Variants in PARD3 observed in about 807,000 individuals in gnomAD.
PARD3 encodes the protein par-3 family cell polarity regulator, also known as partitioning defective 3 homolog.
In PARD3, 75 loss-of-function variants were observed where a neutral mutation model predicts 155.4. The observed-to-expected ratio is 0.48, with a 90% CI of 0.40 to 0.58. The LOEUF is 0.58. PARD3 is among the 20% of genes least tolerant of loss of function. The pLI, the probability that PARD3 is intolerant of heterozygous loss-of-function variation, is 0.00. For missense variants in PARD3, 1,642 were observed against 1,721.7 expected (o/e 0.95, Z 0.82); for synonymous variants, 576 against 610.5 (o/e 0.94, Z 0.83).
intron 22 of PARD3, among the ~76,000 whole-genome samples, chr10:34,245,818 T>G (rs1417537134): frequency 6.6e-6 from 1 of 152,158 alleles, no homozygotes; most frequent in African/African-American, 2.4e-5. Context: ...CTGTCCCCGT[T>G]GAGTTCGTGA....
intron 2 of PARD3, among the ~76,000 whole-genome samples, chr10:34,682,378 A>C (rs1204760103): frequency 3.3e-5 from 5 of 150,088 alleles, no homozygotes; most frequent in African/African-American, 1.0e-4. Context: ...TGTATTGAGA[A>C]TCCTCAAATT....
intron 5 of PARD3, among the ~76,000 whole-genome samples, chr10:34,406,719 A>G (rs1844515731): frequency 6.6e-6 from 1 of 152,128 alleles, no homozygotes; most frequent in African/African-American, 2.4e-5. Context: ...GAATATTTGA[A>G]AAATAAAAGG....
At chr10:34,798,475 C>G (rs1178966490) in intron 1 of PARD3, among the ~76,000 whole-genome samples, 1 of 151,790 alleles carries the variant, frequency 6.6e-6, no homozygotes, top group African/African-American at 2.4e-5. Flanking sequence ...GAGGCTGAGG[C>G]AGGTGGATCA....
intron 2 of PARD3, among the ~76,000 whole-genome samples, chr10:34,589,094 A>C (rs2088389852): frequency 6.6e-6 from 1 of 152,152 alleles, no homozygotes; most frequent in Non-Finnish European, 1.5e-5. Context: ...AGAGACATAG[A>C]AGATATGTGG....
intron 7 of PARD3, among the ~76,000 whole-genome samples, chr10:34,390,458 T>C (rs1842776309): frequency 6.6e-6 from 1 of 152,190 alleles, no homozygotes; most frequent in Non-Finnish European, 1.5e-5. Flanking sequence ...TCATTCTTAT[T>C]AGCTGCCACT....
intron 2 of PARD3, among the ~76,000 whole-genome samples, chr10:34,533,818 A>C (rs2133821319): frequency 6.6e-6 from 1 of 150,574 alleles, no homozygotes; most frequent in Non-Finnish European, 1.5e-5. Flanking sequence ...AAAACAACAA[A>C]AAAAAACAGA....
chr10:34,792,960 A>G (rs1841847104), intron 1 of PARD3, among the ~76,000 whole-genome samples: 1 of 152,224 alleles, frequency 6.6e-6, no homozygotes, highest in South Asian at 2.1e-4. Context: ...CTTGAATTCA[A>G]CATAATCTAC....
At chr10:34,631,403 C>T (rs1298017092) in intron 2 of PARD3, among the ~76,000 whole-genome samples, 2 of 152,132 alleles carry the variant, frequency 1.3e-5, no homozygotes, top group Non-Finnish European at 2.9e-5. Context: ...GTCATCAGCC[C>T]TTACCCTTAG....
At chr10:34,675,959 T>G (rs1018103694) in intron 2 of PARD3, 1 of 157,410 alleles carries the variant, frequency 6.4e-6, no homozygotes, top group Non-Finnish European at 1.4e-5. Flanking sequence ...TGGGCCATCA[T>G]GGACGAGAGT....
chr10:34,771,042 C>T (rs939115210), intron 1 of PARD3, among the ~76,000 whole-genome samples: 4 of 151,990 alleles, frequency 2.6e-5, no homozygotes, highest in African/African-American at 7.3e-5. Context: ...AAGGGAAAGA[C>T]GGAGAGACAA....
chr10:34,814,881 C>T lies in PARD3; in HGVS notation c.115G>A (p.Ala39Thr), dbSNP rs1431952145. The change falls in exon 1 of 25, where the codon GCC becomes ACC. Residue 39 changes from alanine to threonine, a missense_variant. By Grantham distance (58) the Ala-to-Thr change is moderately conservative. Transcript: ENST00000374788. ...QAVTRYRKAIAKDPNYWIQVH... is the reference protein window; with the variant it reads ...QAVTRYRKAITKDPNYWIQVH... ...CCGCGCCCCCGGCCCCTCACCTTGG[C>T]GATGGCCTTCCGGTAGCGGGTCACC... 2.1e-6 allele frequency: 3 copies of T among 1,460,868 alleles called. No individual in the cohort carries two copies. The highest frequency in any genetic ancestry group is 2.4e-4 in the Middle Eastern group (1 of 4,234). 90.5% of individuals were successfully genotyped at this position (1,460,868 alleles called of 1,614,324 possible).
intron 14 of PARD3, among the ~76,000 whole-genome samples, chr10:34,352,034 A>G (rs1477076798): frequency 6.6e-6 from 1 of 152,192 alleles, no homozygotes; most frequent in Non-Finnish European, 1.5e-5. Context: ...AAATCCCCCA[A>G]TATGAGGTCT....
chr10:34,260,450 G>C (rs1222561396), intron 22 of PARD3, among the ~76,000 whole-genome samples: 1 of 152,202 alleles, frequency 6.6e-6, no homozygotes, highest in African/African-American at 2.4e-5. Flanking sequence ...AAGGAGGAAA[G>C]GTGATCTTCA....
intron 2 of PARD3, among the ~76,000 whole-genome samples, chr10:34,553,083 T>C (rs1207712950): frequency 6.6e-6 from 1 of 152,218 alleles, no homozygotes; most frequent in Non-Finnish European, 1.5e-5. Context: ...AGGCACATCC[T>C]GTGTGACATC....
chr10:34,496,068 G>A (rs1156721800), intron 3 of PARD3, among the ~76,000 whole-genome samples: 1 of 151,920 alleles, frequency 6.6e-6, no homozygotes, highest in Non-Finnish European at 1.5e-5. Context: ...TGGGCATGGT[G>A]GTGTGCGCCT....
chr10:34,445,022 A>G (rs2076665136), intron 5 of PARD3, among the ~76,000 whole-genome samples: 1 of 152,194 alleles, frequency 6.6e-6, no homozygotes, highest in South Asian at 2.1e-4. Context: ...GATGGCCATC[A>G]GTTCTACCCT....
chr10:34,429,149 C>G (rs1159852194), intron 5 of PARD3, among the ~76,000 whole-genome samples: 1 of 152,000 alleles, frequency 6.6e-6, no homozygotes, highest in Non-Finnish European at 1.5e-5. Flanking sequence ...TTGAAAAAGA[C>G]TTAGTTTCTA....
intron 22 of PARD3, among the ~76,000 whole-genome samples, chr10:34,238,525 G>C (rs756477046): frequency 9.2e-5 from 14 of 152,096 alleles, no homozygotes; most frequent in Non-Finnish European, 1.5e-4. Context: ...CCACACATAG[G>C]GGTCCCAGAC....
chr10:34,733,420 C>T (rs978966013), intron 1 of PARD3, among the ~76,000 whole-genome samples: 6 of 152,146 alleles, frequency 3.9e-5, no homozygotes, highest in Non-Finnish European at 7.3e-5. Context: ...CATAATTCTA[C>T]GTTGTGATTA....
Sources: allele counts gnomAD v4.1 joint callset (sites outside exome capture counted in the v4.1 genomes callset), GRCh38; gene constraint gnomAD v4.1.1; transcripts MANE v1.5; gene names NCBI Gene and HGNC (gene_info 2026-07-23, HGNC 2026-07-21).